PRR12: variants seen among roughly 807,000 people sequenced by gnomAD.
PRR12 encodes the protein proline-rich protein 12.
A neutral mutation model predicts 138.0 loss-of-function variants in PRR12; 12 were observed. The observed-to-expected ratio is 0.09, with a 90% CI of 0.06 to 0.14. The LOEUF is 0.14. Ranked by LOEUF, PRR12 falls within the 10% of genes least tolerant of loss-of-function variation. The pLI is 1.00. For missense variants in PRR12, 2,692 were observed against 2,861.3 expected (o/e 0.94, Z 1.35); for synonymous variants, 1,567 against 1,291.7 (o/e 1.21, Z -4.57).
rs762338141 is a variant in PRR12 at position 49,596,420 on chromosome 19, C to A, written c.2085C>A (p.Pro695=). Residue 695 remains proline, a synonymous_variant, in exon 4 of 14, where the codon CCC becomes CCA. Coordinates refer to ENST00000418929, the MANE Select transcript of PRR12 (RefSeq NM_020719.3). This position sits in a 1 kb window ranked among gnomAD's most constrained non-coding sequence, Gnocchi z 5.6. ...GTPYELAKED[P]QRYHLQSVIR... is the part of the protein sequence containing the mutation. ...CCTACGAGTTGGCCAAGGAAGACCC[C>A]CAGAGGTACCACCTGCAGAGTGTCA... is the stretch of plus-strand genomic sequence containing the variant. The A allele has an allele frequency of 8.7e-6, 14 of 1,609,556 alleles. No homozygotes were observed. In the Admixed American group the frequency reaches 2.3e-4, roughly 27 times the overall value.
chr19:49,599,145 C>A lies in PRR12; in HGVS notation c.3679-127C>A. ...CCTCCTAGAATCTAAGACAAGGGGTCTGCAGGTTTGAATTCTATAAATTCA... is the reference window on the plus strand; with the variant it reads ...CCTCCTAGAATCTAAGACAAGGGGTATGCAGGTTTGAATTCTATAAATTCA... On this transcript the variant is annotated intron_variant, in intron 4 of 13. Transcript: ENST00000418929. This position sits in a 1 kb window ranked among gnomAD's most constrained non-coding sequence, Gnocchi z 5.0. 2.2e-6 allele frequency: 2 copies of A among 895,476 alleles called. No individual in the cohort carries two copies. Among genetic ancestry groups the A allele is most frequent in the Non-Finnish European group, 3.3e-6 (2 of 612,660 alleles). The allele number at this position is 895,476 out of a possible 1,614,324, so 55.5% of individuals were successfully genotyped here.
In PRR12 at chr19:49,591,625, C is replaced by A; in HGVS notation, c.-30C>A. ...CCCCCTCCCTCCCTCCCTCCCTCCC[C>A]CTCCCCCCAATTTCCACCGCGGCCA... On this transcript the variant is annotated 5_prime_UTR_variant, in exon 1 of 14. Coordinates refer to ENST00000418929, the MANE Select transcript of PRR12 (RefSeq NM_020719.3). 1.0e-6 allele frequency: 1 copy of A among 971,156 alleles called. No homozygotes were observed. Among genetic ancestry groups the A allele is most frequent in the South Asian group, 1.8e-5 (1 of 55,662 alleles). 60.2% of individuals were successfully genotyped at this position (971,156 alleles called of 1,614,324 possible).
chr19:49,598,438 G>C (rs559230045), intron 4 of PRR12, among the ~76,000 whole-genome samples: 2 of 152,248 alleles, frequency 1.3e-5, no homozygotes, highest in East Asian at 3.9e-4. Context: ...GGGGCAGGGG[G>C]ATAATAAGGT....
chr19:49,616,045 C>G lies in PRR12; in HGVS notation c.5323C>G (p.Gln1775Glu). 1 of 1,559,242 alleles carries G rather than the reference C, an allele frequency of 6.4e-7. No homozygotes were observed. Among genetic ancestry groups the G allele is most frequent in the African/African-American group, 1.4e-5 (1 of 73,384 alleles). Residue 1775 changes from glutamine to glutamate, a missense_variant, in exon 9 of 14, where the codon CAA becomes GAA. Gln to Glu is a conservative substitution (Grantham distance 29, BLOSUM62 2). This residue lies in a region of PRR12 where 259 missense variants were observed against 265.1 expected (regional missense o/e 0.98). Coordinates refer to ENST00000418929, the MANE Select transcript of PRR12 (RefSeq NM_020719.3). This position sits in a 1 kb window ranked among gnomAD's most constrained non-coding sequence, Gnocchi z 4.2. ...TRPERSLATG[Q>E]PATSRLPKAR... ...GCCAGAGCGGAGTCTCGCCACGGGACAACCTGCCACATCCCGGCTGCCCAA... is the reference window on the plus strand; with the variant it reads ...GCCAGAGCGGAGTCTCGCCACGGGAGAACCTGCCACATCCCGGCTGCCCAA...
At chr19:49,593,667 CCT>C (rs2122282318) in intron 2 of PRR12, among the ~76,000 whole-genome samples, 1 of 152,204 alleles carries the variant, frequency 6.6e-6, no homozygotes, top group African/African-American at 2.4e-5. Flanking sequence ...TCCAATTGGC[CCT>C]GTTACCATCA....
intron 4 of PRR12, among the ~76,000 whole-genome samples, chr19:49,598,873 T>C (rs559067656): frequency 1.3e-5 from 2 of 152,242 alleles, no homozygotes; most frequent in East Asian, 3.9e-4. Flanking sequence ...GAGCTTACGC[T>C]GGTTTGAAAC....
chr19:49,593,793 C>A (rs1278578071), intron 2 of PRR12, among the ~76,000 whole-genome samples: 1 of 152,106 alleles, frequency 6.6e-6, no homozygotes, highest in East Asian at 1.9e-4. Context: ...TGAATTCTTT[C>A]TTCCTGATTC....
chr19:49,611,915 T>A (rs1599797206), intron 6 of PRR12, among the ~76,000 whole-genome samples: 1 of 46,770 alleles, frequency 2.1e-5, no homozygotes, highest in Non-Finnish European at 3.4e-5. Context: ...AGAGCGAGAC[T>A]CCGTCTCAAA....
rs142396121 is a variant in PRR12 at position 49,615,870 on chromosome 19, G to A, written c.5148G>A (p.Glu1716=). The A allele has an allele frequency of 3.5e-4, 553 of 1,595,032 alleles. 1 individual carries two copies. In the African/African-American group the frequency reaches 6.5e-3, roughly 19 times the overall value. The change falls in exon 9 of 14, where the codon GAG becomes GAA. Residue 1716 remains glutamate (E), a synonymous_variant. Coordinates refer to ENST00000418929, the MANE Select transcript of PRR12 (RefSeq NM_020719.3). The part of the protein sequence containing the change: ...PEKTTSEKPP[E]QTPETAMPEP... ...AGACGACATCTGAGAAGCCCCCAGA[G>A]CAGACTCCTGAGACGGCCATGCCTG...
intron 9 of PRR12, among the ~76,000 whole-genome samples, chr19:49,618,092 G>A (rs76391920): frequency 6.6e-6 from 1 of 152,026 alleles, no homozygotes; most frequent in Non-Finnish European, 1.5e-5. Context: ...AGGGAAACTC[G>A]GTCTCAATAA....
chr19:49,604,449 G>A (rs951052088), intron 6 of PRR12, among the ~76,000 whole-genome samples: 7 of 151,510 alleles, frequency 4.6e-5, no homozygotes, highest in Admixed American at 6.6e-5. Flanking sequence ...AGGCCAAGAC[G>A]GGCAGATCAC....
chr19:49,623,631 T>TAAA (rs76408039), intron 11 of PRR12, among the ~76,000 whole-genome samples: 1 of 133,692 alleles, frequency 7.5e-6, no homozygotes, highest in Non-Finnish European at 1.6e-5. Flanking sequence ...GACTTTGTCT[T>TAAA]AAAAAAAAAA....
At chr19:49,605,860 C>T (rs1210140354) in intron 6 of PRR12, among the ~76,000 whole-genome samples, 1 of 152,240 alleles carries the variant, frequency 6.6e-6, no homozygotes. Context: ...ATAATGGGGG[C>T]AAAGCCCCAC....
At chr19:49,613,281 G>A (rs2080875644) in intron 6 of PRR12, among the ~76,000 whole-genome samples, 1 of 146,760 alleles carries the variant, frequency 6.8e-6, no homozygotes, top group South Asian at 2.2e-4. Flanking sequence ...GTTGCAGTGA[G>A]CCGAGATTGC....
intron 6 of PRR12, among the ~76,000 whole-genome samples, chr19:49,612,104 G>T (rs894698912): frequency 6.6e-6 from 1 of 151,556 alleles, no homozygotes; most frequent in Non-Finnish European, 1.5e-5. Context: ...GGTGGCATGT[G>T]CCTCTAGTCC....
Position 49,619,997 on chromosome 19 carries a change from C to T in PRR12, c.5498-355C>T, listed in dbSNP as rs569591001. Among the ~76,000 whole-genome samples the T allele has an allele frequency of 2.0e-5, 3 of 151,802 alleles. No individual in the cohort carries two copies. In the South Asian group the frequency reaches 6.2e-4, roughly 32 times the overall value. On this transcript the variant is annotated intron_variant, in intron 9 of 13. Coordinates refer to ENST00000418929, the MANE Select transcript of PRR12 (RefSeq NM_020719.3). ...CCTTCCGAGTAGCTGGGATTACAGG[C>T]GTGTGCCACCACGCCTGGATAATTT...
chr19:49,612,438 G>A (rs952707043), intron 6 of PRR12, among the ~76,000 whole-genome samples: 5 of 152,050 alleles, frequency 3.3e-5, no homozygotes, highest in African/African-American at 7.2e-5. Context: ...AACGGGCAAG[G>A]CTGAAGTCAG....
intron 4 of PRR12, among the ~76,000 whole-genome samples, chr19:49,598,370 G>A (rs1053312302): frequency 3.9e-5 from 6 of 152,066 alleles, no homozygotes; most frequent in African/African-American, 7.2e-5. Context: ...CACCGCGCCC[G>A]GCCTCCCGAT....
chr19:49,612,336 T>C (rs1183546776), intron 6 of PRR12, among the ~76,000 whole-genome samples: 1 of 151,930 alleles, frequency 6.6e-6, no homozygotes, highest in Non-Finnish European at 1.5e-5. Flanking sequence ...GCCACTTTTC[T>C]AGTAATCGGC....
Sources: allele counts gnomAD v4.1 joint callset (sites outside exome capture counted in the v4.1 genomes callset), GRCh38; gene constraint gnomAD v4.1.1; regional missense constraint gnomAD v4.1.1; non-coding constraint Gnocchi (gnomAD v3.1); transcripts MANE v1.5; gene names NCBI Gene and HGNC (gene_info 2026-07-23, HGNC 2026-07-21).